Variants in HS2ST1 observed in about 807,000 individuals in gnomAD.
HS2ST1 encodes the protein 2-O-sulfotransferase.
HS2ST1 carries 18 observed loss-of-function variants against 42.9 expected under a neutral mutation model. The ratio of observed to expected loss-of-function variants is 0.42; its 90% CI spans 0.29 to 0.62. HS2ST1 has a LOEUF of 0.62. Ranked by LOEUF, HS2ST1 falls within the 20% of genes least tolerant of loss-of-function variation. The pLI, the probability that HS2ST1 is intolerant of heterozygous loss-of-function variation, is 0.21. For missense variants in HS2ST1, 334 were observed against 433.8 expected (o/e 0.77, Z 2.04); for synonymous variants, 146 against 152.9 (o/e 0.95, Z 0.33).
rs569084667 is a variant in HS2ST1 at position 87,059,107 on chromosome 1, G to C, written c.125-13827G>C. Among the ~76,000 whole-genome samples the C allele has an allele frequency of 5.3e-5, 8 of 152,276 alleles. No individual in the cohort carries two copies. The East Asian group carries it at 1.2e-3, about 22-fold the overall frequency. ...TATGAAGCATTGTTCCTGGCTCACA[G>C]TAAAGGCTCAAAGTAGAAGCACTTG... On this transcript the variant is annotated intron_variant, in intron 1 of 6. Coordinates refer to ENST00000370550, the MANE Select transcript of HS2ST1 (RefSeq NM_012262.4).
chr1:86,979,976 C>A (rs958496672), intron 1 of HS2ST1, among the ~76,000 whole-genome samples: 1 of 152,132 alleles, frequency 6.6e-6, no homozygotes, highest in Admixed American at 6.5e-5. Context: ...TATGCTATTT[C>A]TTCTTTGGAA....
At chr1:87,067,543 C>T (rs887215056) in intron 1 of HS2ST1, among the ~76,000 whole-genome samples, 2 of 152,144 alleles carry the variant, frequency 1.3e-5, no homozygotes, top group Non-Finnish European at 2.9e-5. Flanking sequence ...ATGATAGTTT[C>T]TTTGGCTGTG....
chr1:87,077,880 C>T (rs1410783736), intron 2 of HS2ST1, among the ~76,000 whole-genome samples: 8 of 151,946 alleles, frequency 5.3e-5, no homozygotes, highest in Non-Finnish European at 1.0e-4. Flanking sequence ...GGAACCAGCC[C>T]CCTGCCCTAC....
intron 1 of HS2ST1, among the ~76,000 whole-genome samples, chr1:86,954,669 T>C (rs1478223011): frequency 6.6e-6 from 1 of 152,174 alleles, no homozygotes. Context: ...CACCAGTCTG[T>C]TTTGTTCCAC....
At chr1:86,925,922 A>G (rs2102158989) in intron 1 of HS2ST1, among the ~76,000 whole-genome samples, 1 of 152,060 alleles carries the variant, frequency 6.6e-6, no homozygotes, top group Admixed American at 6.5e-5. Context: ...GTGTCTGGTA[A>G]TTTTTAACTG....
intron 1 of HS2ST1, among the ~76,000 whole-genome samples, chr1:86,999,282 G>A (rs1454380283): frequency 6.6e-6 from 1 of 151,968 alleles, no homozygotes; most frequent in African/African-American, 2.4e-5. Flanking sequence ...GGGTTCAAGC[G>A]ATTCTCCTGC....
intron 1 of HS2ST1, among the ~76,000 whole-genome samples, chr1:87,050,791 A>C (rs1341993899): frequency 6.6e-6 from 1 of 152,086 alleles, no homozygotes; most frequent in East Asian, 1.9e-4. Flanking sequence ...TTATCTGACC[A>C]CTTTAATCTC....
At chr1:87,052,908 A>G (rs1222161057) in intron 1 of HS2ST1, among the ~76,000 whole-genome samples, 1 of 152,204 alleles carries the variant, frequency 6.6e-6, no homozygotes, top group East Asian at 1.9e-4. Flanking sequence ...CCATCATATC[A>G]GCATTGGGAA....
intron 1 of HS2ST1, among the ~76,000 whole-genome samples, chr1:87,038,470 A>G (rs1188724448): frequency 6.6e-6 from 1 of 152,146 alleles, no homozygotes; most frequent in Admixed American, 6.5e-5. Context: ...GTCAAATGGA[A>G]ATTCAAATTC....
intron 1 of HS2ST1, chr1:87,046,282 C>A: frequency 1.4e-6 from 1 of 736,058 alleles, no homozygotes; most frequent in Non-Finnish European, 2.5e-6. Flanking sequence ...CCTAAGCCAA[C>A]CCAGAGAACC....
chr1:87,040,376 A>G (rs976587423), intron 1 of HS2ST1, among the ~76,000 whole-genome samples: 11 of 151,986 alleles, frequency 7.2e-5, no homozygotes, highest in Non-Finnish European at 1.0e-4. Flanking sequence ...TGTTACTGTG[A>G]TATTTTTAGA....
At chr1:86,977,707 A>G (rs1247186303) in intron 1 of HS2ST1, among the ~76,000 whole-genome samples, 1 of 152,234 alleles carries the variant, frequency 6.6e-6, no homozygotes, top group Non-Finnish European at 1.5e-5. Flanking sequence ...CAAATTTATC[A>G]GGTCTTCTTT....
chr1:86,944,923 G>A (rs1208519644), intron 1 of HS2ST1, among the ~76,000 whole-genome samples: 3 of 150,096 alleles, frequency 2.0e-5, no homozygotes, highest in East Asian at 1.9e-4. Flanking sequence ...TCCATTGTAC[G>A]TTTAGCTTCA....
At chr1:87,056,765 G>A (rs547790236) in intron 1 of HS2ST1, among the ~76,000 whole-genome samples, 13 of 152,170 alleles carry the variant, frequency 8.5e-5, no homozygotes, top group African/African-American at 1.7e-4. Flanking sequence ...GCATAACTCC[G>A]TATACCAATA....
chr1:87,032,239 T>C (rs983913137), intron 1 of HS2ST1, among the ~76,000 whole-genome samples: 11 of 152,190 alleles, frequency 7.2e-5, no homozygotes, highest in African/African-American at 1.2e-4. Flanking sequence ...TTGACTATTA[T>C]AGAAAAACAT....
intron 1 of HS2ST1, among the ~76,000 whole-genome samples, chr1:86,936,124 A>G (rs1660649298): frequency 3.9e-5 from 6 of 152,032 alleles, no homozygotes; most frequent in Admixed American, 3.9e-4. Context: ...TGCCTTCTGA[A>G]GAGTAAAAAT....
chr1:87,068,034 G>A (rs975622078), intron 1 of HS2ST1, among the ~76,000 whole-genome samples: 3 of 152,154 alleles, frequency 2.0e-5, no homozygotes, highest in African/African-American at 7.2e-5. Context: ...GTTTAGGATT[G>A]TCTTGGCTAT....
intron 1 of HS2ST1, among the ~76,000 whole-genome samples, chr1:86,991,175 G>C (rs1648940996): frequency 6.6e-6 from 1 of 151,732 alleles, no homozygotes; most frequent in Admixed American, 6.6e-5. Context: ...TGCTCTTGGG[G>C]CTTGCTAGAT....
rs1477960014 is a variant in HS2ST1, at chr1:87,108,925, C to T, written c.*4229C>T. On this transcript the variant is annotated 3_prime_UTR_variant, in exon 7 of 7. Coordinates refer to ENST00000370550, the MANE Select transcript of HS2ST1 (RefSeq NM_012262.4). ...TGACTTTTATTTTATAAATACACAG[C>T]TCAACAGTGCCTTTTTTTTCCCTCA... is the stretch of plus-strand genomic sequence containing the variant. 2.6e-5 allele frequency: 4 copies of T among 152,484 alleles called. No homozygotes were observed. The highest frequency in any genetic ancestry group is 9.7e-5 in the African/African-American group (4 of 41,436). The allele number at this position is 152,484 out of a possible 1,614,324, so 9.4% of individuals were successfully genotyped here. A position where few individuals can be genotyped will look rare whatever the true frequency, so the allele number is the denominator to read the frequency against.
Sources: allele counts gnomAD v4.1 joint callset (sites outside exome capture counted in the v4.1 genomes callset), GRCh38; gene constraint gnomAD v4.1.1; transcripts MANE v1.5; gene names NCBI Gene and HGNC (gene_info 2026-07-23, HGNC 2026-07-21).